Variants in FUT9 observed in about 807,000 individuals in gnomAD.
FUT9 encodes the protein fucosyltransferase 9, also known as 4-galactosyl-N-acetylglucosaminide 3-alpha-L-fucosyltransferase 9.
FUT9 carries 15 observed loss-of-function variants against 29.7 expected under a neutral mutation model. The observed-to-expected ratio is 0.51, with a 90% CI of 0.34 to 0.78. The LOEUF (loss-of-function observed/expected upper bound fraction) is 0.78. FUT9 is among the 30% of genes least tolerant of loss of function. The pLI is 0.01. For synonymous variants in FUT9, 169 were observed against 153.7 expected (o/e 1.10, Z -0.74); for missense variants, 319 against 425.4 (o/e 0.75, Z 2.20).
chr6:96,042,104 C>A (rs1424320606), intron 1 of FUT9, among the ~76,000 whole-genome samples: 1 of 152,146 alleles, frequency 6.6e-6, no homozygotes, highest in Non-Finnish European at 1.5e-5. Context: ...ATCCCGACAT[C>A]CCTAGGTTCA....
At chr6:96,110,770 A>G (rs1227605252) in intron 1 of FUT9, among the ~76,000 whole-genome samples, 1 of 151,822 alleles carries the variant, frequency 6.6e-6, no homozygotes, top group African/African-American at 2.4e-5. Flanking sequence ...ATCTTCCCAC[A>G]TCAGCTTCCT....
intron 2 of FUT9, among the ~76,000 whole-genome samples, chr6:96,197,773 T>C (rs775980690): frequency 6.6e-6 from 1 of 152,134 alleles, no homozygotes; most frequent in Non-Finnish European, 1.5e-5. Flanking sequence ...GTTGAAGAGG[T>C]AGGTAGTGGC....
intron 1 of FUT9, among the ~76,000 whole-genome samples, chr6:96,103,369 T>C (rs1037537003): frequency 6.6e-6 from 1 of 152,056 alleles, no homozygotes; most frequent in Non-Finnish European, 1.5e-5. Context: ...ATCCCACCGT[T>C]ACCTCAACTA....
At chr6:96,069,099 G>A (rs148155215) in intron 1 of FUT9, among the ~76,000 whole-genome samples, 2 of 152,110 alleles carry the variant, frequency 1.3e-5, no homozygotes, top group South Asian at 2.1e-4. Context: ...GGCGGATCAC[G>A]AGGTCAGAAG....
In FUT9 at chr6:96,213,868, A is replaced by T. The variant is rs188735495; in HGVS notation, c.*9633A>T. The T allele has an allele frequency of 6.0e-6, 1 of 167,058 alleles. No homozygotes were observed. Among genetic ancestry groups the T allele is most frequent in the Admixed American group, 6.5e-5 (1 of 15,274 alleles). The allele number at this position is 167,058 out of a possible 1,614,324, so 10.3% of individuals were successfully genotyped here. A position where few individuals can be genotyped will look rare whatever the true frequency, so the allele number is the denominator to read the frequency against. ...AATAAGATGTGTTAGAAATTATATG[A>T]CTATATTAAGGTTGTGTTTATATTA... On this transcript the variant is annotated 3_prime_UTR_variant, in exon 3 of 3. Transcript: ENST00000302103.
intron 1 of FUT9, among the ~76,000 whole-genome samples, chr6:96,042,388 T>C (rs945217959): frequency 3.3e-5 from 5 of 152,220 alleles, no homozygotes; most frequent in African/African-American, 9.6e-5. Context: ...AGTTTTTCAA[T>C]TTTATTATTA....
rs1014482738 is a variant in FUT9, at chr6:96,212,872, G to A, written c.*8637G>A. 6.0e-6 allele frequency: 1 copy of A among 166,614 alleles called. No individual in the cohort carries two copies. 10.3% of individuals were successfully genotyped at this position (166,614 alleles called of 1,614,324 possible). Reference sequence around the variant, plus strand: ...AAGTGTCAACAAGAAACAAGAAGAGGAGTAGTAAACTAAGGATCAAAGCCC... The same window carrying A: ...AAGTGTCAACAAGAAACAAGAAGAGAAGTAGTAAACTAAGGATCAAAGCCC... On this transcript the variant is annotated 3_prime_UTR_variant, in exon 3 of 3. Transcript: ENST00000302103.
chr6:96,106,213 C>CCTTCCTTCCTT (rs1771681397), intron 1 of FUT9, among the ~76,000 whole-genome samples: 2 of 137,142 alleles, frequency 1.5e-5, no homozygotes, highest in Non-Finnish European at 3.2e-5. Context: ...AATCCATCAA[C>CCTTCCTTCCTT]CCTTCCTTCC....
intron 2 of FUT9, among the ~76,000 whole-genome samples, chr6:96,146,247 G>T (rs935943474): frequency 1.1e-4 from 17 of 152,088 alleles, no homozygotes; most frequent in African/African-American, 3.9e-4. Context: ...GGGCTACTCT[G>T]GGCCATGCAG....
At position 96,107,983 on chromosome 6, in the gene FUT9, A is replaced by G. The variant is rs956582326; in HGVS notation, c.-97-6056A>G. On this transcript the variant is annotated intron_variant, in intron 1 of 2. Coordinates refer to ENST00000302103, the MANE Select transcript of FUT9 (RefSeq NM_006581.4). ...CAAATCATGCACGTCTCTCATGGCCACTTTTTTTTTTTTTTTGTCAGATAT... is the reference window on the plus strand; with the variant it reads ...CAAATCATGCACGTCTCTCATGGCCGCTTTTTTTTTTTTTTTGTCAGATAT... Among the ~76,000 whole-genome samples the G allele has an allele frequency of 5.0e-5, 7 of 138,768 alleles. No individual in the cohort carries two copies. In the South Asian group the frequency reaches 1.3e-3, roughly 27 times the overall value. The allele number at this position is 138,768 out of a possible 152,430, so 91.0% of individuals were successfully genotyped here. A position where few individuals can be genotyped will look rare whatever the true frequency, so the allele number is the denominator to read the frequency against.
intron 2 of FUT9, among the ~76,000 whole-genome samples, chr6:96,124,036 A>T (rs1772083655): frequency 6.6e-6 from 1 of 152,034 alleles, no homozygotes; most frequent in Non-Finnish European, 1.5e-5. Flanking sequence ...TTGCTAAAGA[A>T]AACTTATTTC....
At chr6:96,186,382 A>G (rs1337011806) in intron 2 of FUT9, among the ~76,000 whole-genome samples, 5 of 152,138 alleles carry the variant, frequency 3.3e-5, no homozygotes, top group Non-Finnish European at 7.4e-5. Flanking sequence ...GGTCTGATGC[A>G]GAAACTGTTG....
intron 1 of FUT9, among the ~76,000 whole-genome samples, chr6:96,042,461 A>G (rs1228740986): frequency 6.6e-6 from 1 of 152,224 alleles, no homozygotes; most frequent in Non-Finnish European, 1.5e-5. Context: ...TAAATTCTGT[A>G]ACTACCATTA....
chr6:96,092,924 C>G (rs1771435358), intron 1 of FUT9, among the ~76,000 whole-genome samples: 2 of 151,840 alleles, frequency 1.3e-5, no homozygotes, highest in South Asian at 4.2e-4. Flanking sequence ...CCATGCCTGG[C>G]TAATTAAAAA....
At chr6:96,086,873 A>G (rs1016266500) in intron 1 of FUT9, among the ~76,000 whole-genome samples, 3 of 152,194 alleles carry the variant, frequency 2.0e-5, no homozygotes, top group Non-Finnish European at 2.9e-5. Flanking sequence ...TAAGGTATTA[A>G]AAGGCACAGG....
chr6:96,141,229 T>A (rs1772456706), intron 2 of FUT9, among the ~76,000 whole-genome samples: 1 of 152,218 alleles, frequency 6.6e-6, no homozygotes, highest in African/African-American at 2.4e-5. Flanking sequence ...ATATTAATCT[T>A]AATGATAAAA....
In FUT9 at chr6:96,021,301, C is replaced by T. The variant is rs184089742; in HGVS notation, c.-98+5089C>T. Among the ~76,000 whole-genome samples the T allele has an allele frequency of 7.8e-4, 118 of 151,346 alleles. 1 individual carries two copies. The Middle Eastern group carries it at 0.02, about 26-fold the overall frequency. On this transcript the variant is annotated intron_variant, in intron 1 of 2. Coordinates refer to ENST00000302103, the MANE Select transcript of FUT9 (RefSeq NM_006581.4). Reference sequence around the variant, plus strand: ...TTGTTGTTGTTTTGTTTTTTTTGGACAATGCAGGAACCTATTAGTAGTATG... The same window carrying T: ...TTGTTGTTGTTTTGTTTTTTTTGGATAATGCAGGAACCTATTAGTAGTATG...
chr6:96,137,730 A>G (rs1772384609), intron 2 of FUT9, among the ~76,000 whole-genome samples: 3 of 152,074 alleles, frequency 2.0e-5, no homozygotes, highest in Admixed American at 2.0e-4. Flanking sequence ...GAAAATATGA[A>G]TAAAATATTG....
chr6:96,137,202 A>G (rs927361291), intron 2 of FUT9, among the ~76,000 whole-genome samples: 2 of 152,022 alleles, frequency 1.3e-5, no homozygotes, highest in African/African-American at 4.8e-5. Flanking sequence ...GGAGCCTACC[A>G]AAAGAAAAAA....
Sources: allele counts gnomAD v4.1 joint callset (sites outside exome capture counted in the v4.1 genomes callset), GRCh38; gene constraint gnomAD v4.1.1; transcripts MANE v1.5; gene names NCBI Gene and HGNC (gene_info 2026-07-23, HGNC 2026-07-21).